The following FGGY variants were observed in gnomAD, a reference collection of about 807,000 sequenced individuals.
FGGY encodes the protein FGGY carbohydrate kinase domain-containing protein.
Under a neutral mutation model 71.3 loss-of-function variants are expected in FGGY, and 72 were observed. The observed-to-expected ratio is 1.01, with a 90% CI of 0.84 to 1.23. FGGY has a LOEUF of 1.23. FGGY is among the 50% of genes most tolerant of loss of function. The probability of loss-of-function intolerance (pLI) is 0.00; values close to 1 mark genes in which losing one functional copy is unlikely to be tolerated. For missense variants in FGGY, 668 were observed against 682.3 expected, an observed-to-expected ratio of 0.98 and a Z score of 0.23; for synonymous variants, 251 against 250.3, an observed-to-expected ratio of 1.00 and a Z score of -0.02.
chr1:59,425,510 G>C (rs1160509318), intron 5 of FGGY, among the ~76,000 whole-genome samples: 1 of 152,132 alleles, frequency 6.6e-6, no homozygotes, highest in Non-Finnish European at 1.5e-5. Context: ...AAAGGGAAAT[G>C]AGCTTTCCAT....
chr1:59,416,471 G>C (rs902915653), intron 5 of FGGY, among the ~76,000 whole-genome samples: 1 of 152,172 alleles, frequency 6.6e-6, no homozygotes. Context: ...ACCAGGAACT[G>C]TTATGAATGC....
chr1:59,487,353 A>C (rs1339338877), intron 6 of FGGY, among the ~76,000 whole-genome samples: 1 of 152,144 alleles, frequency 6.6e-6, no homozygotes, highest in East Asian at 1.9e-4. Context: ...TTCCTATTAT[A>C]ACACTTATCA....
intron 9 of FGGY, among the ~76,000 whole-genome samples, chr1:59,613,030 T>G (rs180922926): frequency 7.2e-4 from 110 of 152,236 alleles, no homozygotes; most frequent in Non-Finnish European, 1.2e-3. Flanking sequence ...AGACTTAGAC[T>G]CCCACACAAT....
At chr1:59,731,608 T>A (rs965491664) in intron 14 of FGGY, among the ~76,000 whole-genome samples, 3 of 151,964 alleles carry the variant, frequency 2.0e-5, no homozygotes, top group Non-Finnish European at 2.9e-5. Context: ...TTGTCTTTCC[T>A]TTTTTTGCTG....
chr1:59,437,487 C>A lies in FGGY; in HGVS notation c.555-19474C>A, dbSNP rs929996655. Among the ~76,000 whole-genome samples the A allele has an allele frequency of 2.6e-5, 4 of 152,188 alleles. No individual in the cohort carries two copies. In the East Asian group the frequency reaches 7.7e-4, roughly 29 times the overall value. ...AAAGAGTATAATGAAATCCTGTGTA[C>A]CCATTACGTGTAGGGGCTGAAAATG... On this transcript the variant is annotated intron_variant, in intron 5 of 15. Transcript: ENST00000303721.
At chr1:59,534,898 C>T (rs1238188175) in intron 7 of FGGY, among the ~76,000 whole-genome samples, 4 of 151,920 alleles carry the variant, frequency 2.6e-5, no homozygotes, top group Non-Finnish European at 5.9e-5. Flanking sequence ...TAAAGACCAT[C>T]GAGACTAGGA....
In FGGY at chr1:59,762,520, A is replaced by G; in HGVS notation, c.1592A>G (p.Tyr531Cys). 6.2e-7 allele frequency: 1 copy of G among 1,613,468 alleles called. No individual in the cohort carries two copies. Among genetic ancestry groups the G allele is most frequent in the South Asian group, 1.1e-5 (1 of 90,950 alleles). The change falls in exon 16 of 16, where the codon TAC becomes TGC. Residue 531 changes from tyrosine to cysteine, a missense_variant. By Grantham distance (194) the Tyr-to-Cys change is radical (BLOSUM62 -2). Transcript: ENST00000303721. ...LQDKKYYDKK[Y>C]QVFLKLVEHQ... is the part of the protein sequence containing the mutation. ...TCCCACAGATACTATGATAAGAAAT[A>G]CCAAGTATTCCTGAAGCTGGTTGAA...
At chr1:59,758,551 A>G (rs1474080130) in intron 15 of FGGY, among the ~76,000 whole-genome samples, 1 of 152,188 alleles carries the variant, frequency 6.6e-6, no homozygotes, top group African/African-American at 2.4e-5. Context: ...CCAGGTGACA[A>G]AGTTGCCCAA....
intron 9 of FGGY, among the ~76,000 whole-genome samples, chr1:59,613,669 G>C (rs1284136925): frequency 1.3e-5 from 2 of 152,072 alleles, no homozygotes; most frequent in Non-Finnish European, 2.9e-5. Flanking sequence ...GAAGGAAATA[G>C]AGACACAAAA....
At chr1:59,372,487 G>C (rs967457972) in intron 4 of FGGY, among the ~76,000 whole-genome samples, 3 of 152,158 alleles carry the variant, frequency 2.0e-5, no homozygotes, top group African/African-American at 7.2e-5. Flanking sequence ...GGTACAAGGA[G>C]GAGCTGGTAC....
intron 9 of FGGY, among the ~76,000 whole-genome samples, chr1:59,619,265 ACT>A (rs1558571477): frequency 6.6e-6 from 1 of 151,950 alleles, no homozygotes; most frequent in Non-Finnish European, 1.5e-5. Flanking sequence ...CCTCTTCTGC[ACT>A]CTCCTGCACT....
At chr1:59,495,248 T>C (rs1466620847) in intron 6 of FGGY, among the ~76,000 whole-genome samples, 1 of 152,180 alleles carries the variant, frequency 6.6e-6, no homozygotes, top group Non-Finnish European at 1.5e-5. Context: ...GTTGGATGCA[T>C]AGTTTGCAAA....
At chr1:59,672,521 A>T (rs1240459513) in intron 13 of FGGY, among the ~76,000 whole-genome samples, 1 of 152,206 alleles carries the variant, frequency 6.6e-6, no homozygotes, top group Non-Finnish European at 1.5e-5. Context: ...CCAGGAAATA[A>T]ACTCAGGTCT....
intron 14 of FGGY, among the ~76,000 whole-genome samples, chr1:59,687,350 C>T (rs1286959374): frequency 1.3e-5 from 2 of 152,228 alleles, no homozygotes; most frequent in Non-Finnish European, 2.9e-5. Flanking sequence ...AGTCACACCA[C>T]TGCCTCCTGT....
intron 14 of FGGY, among the ~76,000 whole-genome samples, chr1:59,721,343 T>G (rs1446047739): frequency 1.9e-5 from 1 of 53,592 alleles, no homozygotes; most frequent in African/African-American, 4.8e-5. Context: ...CTTTGTTTTT[T>G]TTTTTTTTTT....
In FGGY at chr1:59,584,012, G is replaced by A. The variant is rs570784617; in HGVS notation, c.904-23791G>A. Reference sequence around the variant, plus strand: ...GTTTAAAAGACCAGGTGAAATTGAGGCAATAATGAATAGCTTACCAACCAA... The same window carrying A: ...GTTTAAAAGACCAGGTGAAATTGAGACAATAATGAATAGCTTACCAACCAA... On this transcript the variant is annotated intron_variant, in intron 8 of 15. Coordinates refer to ENST00000303721, the MANE Select transcript of FGGY (RefSeq NM_018291.5). Among the ~76,000 whole-genome samples, 8 of 149,424 alleles carry A rather than the reference G, an allele frequency of 5.4e-5. 1 individual carries two copies. In the East Asian group the frequency reaches 1.6e-3, roughly 29 times the overall value.
At chr1:59,643,455 A>G (rs1225712183) in intron 11 of FGGY, among the ~76,000 whole-genome samples, 1 of 152,188 alleles carries the variant, frequency 6.6e-6, no homozygotes, top group Non-Finnish European at 1.5e-5. Context: ...TCAGTCTCCC[A>G]AAGTGTTGAG....
At chr1:59,576,012 C>G (rs2096069717) in intron 8 of FGGY, among the ~76,000 whole-genome samples, 1 of 152,106 alleles carries the variant, frequency 6.6e-6, no homozygotes, top group Non-Finnish European at 1.5e-5. Context: ...TCTTCTTTTG[C>G]TGTTAATTTT....
At chr1:59,534,396 A>G (rs982075517) in intron 7 of FGGY, among the ~76,000 whole-genome samples, 4 of 152,048 alleles carry the variant, frequency 2.6e-5, no homozygotes, top group Admixed American at 1.3e-4. Context: ...AACCAAGTTG[A>G]AAAACACTCT....
Sources: gnomAD v4.1 joint callset for allele counts (sites outside exome capture counted in the v4.1 genomes callset) on GRCh38, gnomAD v4.1.1 for gene constraint, MANE v1.5 for transcripts, NCBI Gene and HGNC (gene_info 2026-07-23, HGNC 2026-07-21) for gene names.